Variants in KIAA1549L observed in about 807,000 individuals in gnomAD.
KIAA1549L encodes the protein UPF0606 protein KIAA1549L.
KIAA1549L carries 88 observed loss-of-function variants against 160.7 expected under a neutral mutation model. The ratio of observed to expected loss-of-function variants is 0.55; its 90% CI spans 0.46 to 0.65. The LOEUF (loss-of-function observed/expected upper bound fraction) is 0.65. Among genes scored for constraint, KIAA1549L ranks in the 30% least tolerant of loss-of-function variants. The pLI is 0.00. For synonymous variants in KIAA1549L, 950 were observed against 976.7 expected (o/e 0.97, Z 0.51); for missense variants, 2,258 against 2,437.5 (o/e 0.93, Z 1.55).
At chr11:33,624,256 A>G (rs1232421867) in intron 16 of KIAA1549L, among the ~76,000 whole-genome samples, 1 of 152,202 alleles carries the variant, frequency 6.6e-6, no homozygotes, top group Non-Finnish European at 1.5e-5. Context: ...CTCTTTAGCC[A>G]AGGGCAGTTC....
rs34208718 is a variant in KIAA1549L at position 33,408,489 on chromosome 11, G to GTGTGTATATATATATATA, written c.238+31601_238+31602insGTGTATATATATATATAT. Among the ~76,000 whole-genome samples, 648 of 122,946 alleles carry GTGTGTATATATATATATA rather than the reference G, an allele frequency of 5.3e-3. 5 individuals are homozygous for GTGTGTATATATATATATA. The highest frequency in any genetic ancestry group is 0.019 in the African/African-American group (602 of 30,904). The allele number at this position is 122,946 out of a possible 152,430, so 80.7% of individuals were successfully genotyped here. A position where few individuals can be genotyped will look rare whatever the true frequency, so the allele number is the denominator to read the frequency against. On this transcript the variant is annotated intron_variant, in intron 1 of 20. Coordinates refer to ENST00000658780, the MANE Select transcript of KIAA1549L (RefSeq NM_012194.3). ...ATATATATACATACTCTGTATATGT[G>GTGTGTATATATATATATA]TATATATATATATATATATATACAC...
chr11:33,621,859 G>T (rs1041778645), intron 16 of KIAA1549L, among the ~76,000 whole-genome samples: 1 of 152,176 alleles, frequency 6.6e-6, no homozygotes, highest in Non-Finnish European at 1.5e-5. Context: ...TTAAAAATCC[G>T]TGGCAGGAAA....
rs375967984 is a variant in KIAA1549L, at chr11:33,583,433, G to A, written c.4498G>A (p.Val1500Met). The A allele has an allele frequency of 2.8e-5, 44 of 1,593,338 alleles. No individual in the cohort carries two copies. Among genetic ancestry groups the A allele is most frequent in the Middle Eastern group, 3.3e-4 (2 of 6,062 alleles). ...VTVIIIIITA[V>M]LCRKNKNDFK... Reference sequence around the variant, plus strand: ...GGTCATCATCATCATCATCACTGCCGTGCTCTGCAGGAAGAACAAGAACGA... The same window carrying A: ...GGTCATCATCATCATCATCACTGCCATGCTCTGCAGGAAGAACAAGAACGA... Residue 1500 changes from valine (V) to methionine (M), a missense_variant, in exon 11 of 21, where the codon GTG (valine) becomes ATG (methionine). Transcript: ENST00000658780.
At chr11:33,574,974 A>G in intron 10 of KIAA1549L, 101 bp downstream of exon 10, 1 of 993,436 alleles carries the variant, frequency 1.0e-6, no homozygotes, top group South Asian at 1.6e-5. Context: ...TCAGAGCTAA[A>G]CATATTTGTA....
intron 1 of KIAA1549L, among the ~76,000 whole-genome samples, chr11:33,432,932 C>T (rs1386081786): frequency 1.3e-5 from 2 of 152,176 alleles, no homozygotes; most frequent in Admixed American, 6.5e-5. Context: ...CAAAAATTAA[C>T]TCAAGATGGA....
chr11:33,405,814 C>T (rs1439779780), intron 1 of KIAA1549L, among the ~76,000 whole-genome samples: 1 of 127,516 alleles, frequency 7.8e-6, no homozygotes, highest in African/African-American at 3.0e-5. Context: ...TGCACTCCAG[C>T]CTGGGCAACA....
chr11:33,514,542 A>G (rs1245460331), intron 1 of KIAA1549L, among the ~76,000 whole-genome samples: 1 of 152,186 alleles, frequency 6.6e-6, no homozygotes, highest in African/African-American at 2.4e-5. Context: ...GCTTCATATC[A>G]TTTTGCTCTC....
intron 1 of KIAA1549L, among the ~76,000 whole-genome samples, chr11:33,508,963 G>T (rs757157355): frequency 6.6e-6 from 1 of 152,108 alleles, no homozygotes; most frequent in East Asian, 1.9e-4. Context: ...TGGTTCTGTC[G>T]TCTCTTTGGG....
intron 1 of KIAA1549L, among the ~76,000 whole-genome samples, chr11:33,391,874 G>T (rs1039675190): frequency 6.6e-6 from 1 of 152,160 alleles, no homozygotes; most frequent in Non-Finnish European, 1.5e-5. Flanking sequence ...CATAGCAAGA[G>T]AAAAATTTTT....
rs1850890427 is a variant in KIAA1549L, at chr11:33,416,420, T to A, written c.238+39531T>A. Among the ~76,000 whole-genome samples the A allele has an allele frequency of 2.0e-5, 3 of 151,918 alleles. No homozygotes were observed. In the South Asian group the frequency reaches 6.2e-4, roughly 32 times the overall value. ...AGTAAATCTTTATGTAGTCGGCTCT[T>A]CATATCTGCAGATCCAACCAACTTG... is the stretch of plus-strand genomic sequence containing the variant. On this transcript the variant is annotated intron_variant, in intron 1 of 20. Coordinates refer to ENST00000658780, the MANE Select transcript of KIAA1549L (RefSeq NM_012194.3).
rs971683145 is a variant in KIAA1549L at position 33,542,689 on chromosome 11, A to G, written c.1126A>G (p.Met376Val). ...TCCAGATGGAAGCCCCTCATGGTCA[A>G]TGTTGGAAGTGGCTTCAGGTCCTGC... ...QLPDGSPSWS[M>V]LEVASGPAST... The change falls in exon 2 of 21, where the codon ATG (methionine) becomes GTG (valine). Residue 376 changes from methionine to valine, a missense_variant. Transcript: ENST00000658780. The G allele has an allele frequency of 6.2e-6, 10 of 1,613,778 alleles. No homozygotes were observed. The highest frequency in any genetic ancestry group is 8.5e-6 in the Non-Finnish European group (10 of 1,179,844).
rs964913195 is a variant in KIAA1549L, at chr11:33,565,095, G to A, written c.4079-2981G>A. 3.7e-4 allele frequency among the ~76,000 whole-genome samples: 56 copies of A among 152,192 alleles called. 1 individual carries two copies. The highest frequency in any genetic ancestry group is 5.0e-4 in the Non-Finnish European group (34 of 68,032). ...CTGGCTGATGCACTAGGGGGCTGGTGTCTTCCTGGTTGTCTGCGCCAGGTC... is the reference window on the plus strand; with the variant it reads ...CTGGCTGATGCACTAGGGGGCTGGTATCTTCCTGGTTGTCTGCGCCAGGTC... On this transcript the variant is annotated intron_variant, in intron 8 of 20. Coordinates refer to ENST00000658780, the MANE Select transcript of KIAA1549L (RefSeq NM_012194.3).
intron 1 of KIAA1549L, among the ~76,000 whole-genome samples, chr11:33,406,967 G>T (rs1240535580): frequency 6.6e-6 from 1 of 151,816 alleles, no homozygotes; most frequent in African/African-American, 2.4e-5. Context: ...TTATGTTCTA[G>T]TTTCTGTCTT....
chr11:33,638,438 AAAT>A (rs1223207695), intron 16 of KIAA1549L, among the ~76,000 whole-genome samples: 12 of 19,718 alleles, frequency 6.1e-4, no homozygotes, highest in Admixed American at 2.9e-3. Context: ...AAAAAAAAAT[AAAT>A]AAATAAATAA....
intron 1 of KIAA1549L, among the ~76,000 whole-genome samples, chr11:33,533,466 C>T (rs777567640): frequency 9.2e-5 from 14 of 152,262 alleles, no homozygotes; most frequent in East Asian, 1.9e-4. Context: ...CTCTCTGATG[C>T]GTTTAGTTCA....
At chr11:33,531,712 G>T (rs985384441) in intron 1 of KIAA1549L, among the ~76,000 whole-genome samples, 2 of 152,180 alleles carry the variant, frequency 1.3e-5, no homozygotes, top group Non-Finnish European at 2.9e-5. Context: ...AGCCCCAAGA[G>T]GAATCACGTT....
intron 1 of KIAA1549L, among the ~76,000 whole-genome samples, chr11:33,452,119 C>T (rs1343537236): frequency 1.3e-5 from 2 of 152,126 alleles, no homozygotes; most frequent in East Asian, 1.9e-4. Flanking sequence ...TAAACAACCC[C>T]CTCCCCCACC....
chr11:33,568,375 T>G (rs954304196), intron 9 of KIAA1549L, 148 bp downstream of exon 9: 1 of 685,444 alleles, frequency 1.5e-6, no homozygotes, highest in Non-Finnish European at 2.3e-6. Context: ...CTCTTAGGTT[T>G]TGGGAACTGA....
chr11:33,583,650 C>T (rs886935379), intron 11 of KIAA1549L, 149 bp downstream of exon 11: 11 of 725,860 alleles, frequency 1.5e-5, no homozygotes, highest in Non-Finnish European at 2.2e-5. Context: ...CTTTTAGTCT[C>T]AGGACCTGAT....
Sources: allele counts gnomAD v4.1 joint callset (sites outside exome capture counted in the v4.1 genomes callset), GRCh38; gene constraint gnomAD v4.1.1; transcripts MANE v1.5; gene names NCBI Gene and HGNC (gene_info 2026-07-23, HGNC 2026-07-21).